Variants in OTOF observed in about 807,000 individuals in gnomAD.
OTOF encodes the protein otoferlin.
A neutral mutation model predicts 236.8 loss-of-function variants in OTOF; 218 were observed. The observed-to-expected ratio is 0.92, with a 90% CI of 0.82 to 1.03. OTOF has a LOEUF of 1.03. OTOF is among the 50% of genes least tolerant of loss of function. The probability of loss-of-function intolerance (pLI) is 0.00; values close to 1 mark genes in which losing one functional copy is unlikely to be tolerated. For synonymous variants in OTOF, 1,041 were observed against 1,072.5 expected (o/e 0.97, Z 0.57); for missense variants, 2,590 against 2,694.4 (o/e 0.96, Z 0.86).
intron 39 of OTOF, 68 bp downstream of exon 39, chr2:26,464,801 G>A (rs552558245): frequency 4.7e-6 from 7 of 1,477,352 alleles, no homozygotes; most frequent in South Asian, 1.3e-5. Flanking sequence ...CCAGGGAAGT[G>A]TGGGCCCCTC....
At position 26,482,607 on chromosome 2, in the gene OTOF, A is replaced by G. The variant is rs577397456; in HGVS notation, c.1393-15T>C. The G allele has an allele frequency of 1.2e-6, 2 of 1,609,240 alleles. No individual in the cohort carries two copies. The highest frequency in any genetic ancestry group is 1.1e-5 in the South Asian group (1 of 90,954). On this transcript the variant is annotated splice_polypyrimidine_tract_variant and intron_variant, in intron 13 of 46. Coordinates refer to ENST00000272371, the MANE Select transcript of OTOF (RefSeq NM_194248.3). ...GAAGTCTTGCCCTGGTGGAAGGGGG[A>G]GCACAGGTGAGGGCGTGGCATGTGT...
chr2:26,524,365 C>T (rs1666750534), intron 3 of OTOF, among the ~76,000 whole-genome samples: 1 of 152,120 alleles, frequency 6.6e-6, no homozygotes, highest in Non-Finnish European at 1.5e-5. Context: ...AAAAATTATC[C>T]AGGCCTGGTG....
At position 26,477,679 on chromosome 2, in the gene OTOF, C is replaced by T; in HGVS notation, c.2285G>A (p.Gly762Asp). 1 of 1,612,560 alleles carries T rather than the reference C, an allele frequency of 6.2e-7. No individual in the cohort carries two copies. Among genetic ancestry groups the T allele is most frequent in the Non-Finnish European group, 8.5e-7 (1 of 1,179,970 alleles). Residue 762 changes from glycine to aspartate, a missense_variant, in exon 19 of 47, where the codon GGC (glycine) becomes GAC (aspartate). Gly to Asp is a moderately conservative substitution (Grantham distance 94). This residue lies in a region of OTOF where 1,379 missense variants were observed against 1,341.6 expected (regional missense o/e 1.03). Coordinates refer to ENST00000272371, the MANE Select transcript of OTOF (RefSeq NM_194248.3). This position sits in a 1 kb window ranked among gnomAD's most constrained non-coding sequence, Gnocchi z 4.7. The stretch of plus-strand genomic sequence containing the variant: ...GCCACAGCTCAGCTCCTCCAGGACG[C>T]CCCGCAGGCGACGCTCAGGGTAGGA... ...EKSYPERRLR[G>D]VLEELSCGCC...
chr2:26,480,433 T>C, intron 15 of OTOF, 122 bp from the exon 16 acceptor site: 2 of 734,246 alleles, frequency 2.7e-6, no homozygotes, highest in Non-Finnish European at 4.8e-6. Context: ...CCACCCGGCT[T>C]TGGGGCCAGG....
chr2:26,473,077 C>T lies in OTOF; in HGVS notation c.3733+55G>A, dbSNP rs911241251. On this transcript the variant is annotated intron_variant, in intron 29 of 46. Transcript: ENST00000272371. This position sits in a 1 kb window ranked among gnomAD's most constrained non-coding sequence, Gnocchi z 7.2. ...GCTTGGACTGGGCGGAGACCTGGAGCCCTTCCCTGGGGGGCGTGGAGCCAG... is the reference window on the plus strand; with the variant it reads ...GCTTGGACTGGGCGGAGACCTGGAGTCCTTCCCTGGGGGGCGTGGAGCCAG... 6.4e-7 allele frequency: 1 copy of T among 1,560,906 alleles called. No individual in the cohort carries two copies. Among genetic ancestry groups the T allele is most frequent in the Middle Eastern group, 2.2e-4 (1 of 4,502 alleles).
intron 5 of OTOF, among the ~76,000 whole-genome samples, chr2:26,509,203 A>G (rs1423319294): frequency 6.6e-6 from 1 of 152,180 alleles, no homozygotes; most frequent in Non-Finnish European, 1.5e-5. Flanking sequence ...GGCTGCTTGT[A>G]TCTCATTCAT....
intron 2 of OTOF, among the ~76,000 whole-genome samples, chr2:26,529,242 C>A (rs191481823): frequency 2.0e-5 from 3 of 152,164 alleles, no homozygotes; most frequent in Non-Finnish European, 4.4e-5. Context: ...TGTGGAGAGA[C>A]CGTGTCAGGG....
chr2:26,489,677 C>T lies in OTOF; in HGVS notation c.960+1G>A. 2 of 1,612,396 alleles carry T rather than the reference C, an allele frequency of 1.2e-6. No homozygotes were observed. Among genetic ancestry groups the T allele is most frequent in the Non-Finnish European group, 1.7e-6 (2 of 1,179,364 alleles). On this transcript the variant is annotated splice_donor_variant, in intron 10 of 46. Coordinates refer to ENST00000272371, the MANE Select transcript of OTOF (RefSeq NM_194248.3). LOFTEE classifies it high-confidence loss of function. ...CCGGCCAGGGGCTGCTCCCCACTCA[C>T]CGAAATCTTGATGATCTTGTCAAAC...
chr2:26,550,662 C>G (rs1667437160), intron 1 of OTOF, among the ~76,000 whole-genome samples: 1 of 152,186 alleles, frequency 6.6e-6, no homozygotes, highest in Non-Finnish European at 1.5e-5. Flanking sequence ...CCACAATTGA[C>G]TCTTGCCCTG....
At position 26,500,283 on chromosome 2, in the gene OTOF, C is replaced by T. The variant is rs183519187; in HGVS notation, c.765+1471G>A. Among the ~76,000 whole-genome samples, 406 of 152,346 alleles carry T rather than the reference C, an allele frequency of 2.7e-3. 1 individual carries two copies. Among genetic ancestry groups the T allele is most frequent in the African/African-American group, 9.4e-3 (392 of 41,576 alleles). On this transcript the variant is annotated intron_variant, in intron 8 of 46. Coordinates refer to ENST00000272371, the MANE Select transcript of OTOF (RefSeq NM_194248.3). ...CTATATTTGGGTGGTTGAAGAATTA[C>T]ATTAACTTCAATGGAAATACATATA... is the stretch of plus-strand genomic sequence containing the variant.
chr2:26,502,623 T>G (rs1398720628), intron 6 of OTOF, among the ~76,000 whole-genome samples, 197 bp from the exon 7 acceptor site: 1 of 152,170 alleles, frequency 6.6e-6, no homozygotes, highest in Non-Finnish European at 1.5e-5. Context: ...GGCCATTATG[T>G]CTGGTCTTGC....
At chr2:26,472,062 A>G (rs892324698) in intron 30 of OTOF, among the ~76,000 whole-genome samples, 2 of 151,872 alleles carry the variant, frequency 1.3e-5, no homozygotes, top group South Asian at 2.1e-4. Flanking sequence ...CTCATACCAC[A>G]TGCATGCATG....
Position 26,476,213 on chromosome 2 carries a change from G to C in OTOF, c.2781C>G (p.Cys927Trp), listed in dbSNP as rs199804573. The stretch of plus-strand genomic sequence containing the variant: ...CCTCCTGGAAGCCACAGGGCAGGCC[G>C]CACAGGAACTCCTTGCGCTGTTTGC... Reference protein sequence around the residue: ...GLSKQRKEFLCGLPCGFQEVK... With the variant: ...GLSKQRKEFLWGLPCGFQEVK... The change falls in exon 23 of 47, where the codon TGC (cysteine) becomes TGG (tryptophan). Residue 927 changes from cysteine to tryptophan, a missense_variant. Physicochemically the swap from Cys to Trp is radical, Grantham distance 215. Around this residue, in one of 2 missense-constraint regions of OTOF, gnomAD observed 1,379 missense variants for 1,341.6 expected, o/e 1.03. Transcript: ENST00000272371. The C allele has an allele frequency of 6.2e-7, 1 of 1,609,758 alleles. No individual in the cohort carries two copies. The highest frequency in any genetic ancestry group is 1.1e-5 in the South Asian group (1 of 91,086).
chr2:26,516,996 G>C (rs1302718547), intron 4 of OTOF, among the ~76,000 whole-genome samples: 1 of 152,194 alleles, frequency 6.6e-6, no homozygotes, highest in Non-Finnish European at 1.5e-5. Flanking sequence ...AGGGCTGCCT[G>C]CAGGCATGAG....
At position 26,465,828 on chromosome 2, in the gene OTOF, TC is replaced by T. The variant is rs754246984; in HGVS notation, c.4642del (p.Glu1548ArgfsTer10). 1.2e-6 allele frequency: 2 copies of T among 1,614,192 alleles called. No homozygotes were observed. The highest frequency in any genetic ancestry group is 1.7e-6 in the Non-Finnish European group (2 of 1,180,032). ...CATGGATTCCATGGGGAAGGAGGCC[TC>T]GATGTCAAAGGACCTGGTGGGGTGG... is the stretch of plus-strand genomic sequence containing the variant. ...NPVFGKSFDIEASFPMESMLT... is the reference protein window; with the variant it reads ...NPVFGKSFDIXASFPMESMLT... On this transcript the variant is annotated frameshift_variant, in exon 38 of 47. Transcript: ENST00000272371. LOFTEE classifies it high-confidence loss of function.
intron 3 of OTOF, among the ~76,000 whole-genome samples, chr2:26,521,361 C>T (rs1416743405): frequency 6.6e-6 from 1 of 152,214 alleles, no homozygotes; most frequent in Non-Finnish European, 1.5e-5. Context: ...CGCAGAGGTG[C>T]TGCAATGTGA....
Position 26,536,337 on chromosome 2 carries a change from G to A in OTOF, c.138+1379C>T, listed in dbSNP as rs539968253. Among the ~76,000 whole-genome samples, 29 of 152,308 alleles carry A rather than the reference G, an allele frequency of 1.9e-4. No homozygotes were observed. The South Asian group carries it at 6.0e-3, about 32-fold the overall frequency. ...CTGAGGTCATTGTACAGCCAGGAGG[G>A]GGAGAAGGTAAGGACAGAAACTTCC... On this transcript the variant is annotated intron_variant, in intron 2 of 46. Coordinates refer to ENST00000272371, the MANE Select transcript of OTOF (RefSeq NM_194248.3).
intron 4 of OTOF, among the ~76,000 whole-genome samples, chr2:26,518,575 G>A (rs765140510): frequency 6.6e-5 from 10 of 152,256 alleles, no homozygotes; most frequent in Non-Finnish European, 1.2e-4. Flanking sequence ...GCGTGCTCAC[G>A]CAAAAGTGCT....
At position 26,501,809 on chromosome 2, in the gene OTOF, C is replaced by G. The variant is rs1666121550; in HGVS notation, c.711-1G>C. On this transcript the variant is annotated splice_acceptor_variant, in intron 7 of 46. Coordinates refer to ENST00000272371, the MANE Select transcript of OTOF (RefSeq NM_194248.3). LOFTEE classifies it high-confidence loss of function. ...CTCCATCTTAATGTCTGGCTTAGAT[C>G]TGAGGAAGAGAATGTACCATCAGGC... 2 of 1,612,840 alleles carry G rather than the reference C, an allele frequency of 1.2e-6. No homozygotes were observed. Among genetic ancestry groups the G allele is most frequent in the African/African-American group, 1.3e-5 (1 of 74,872 alleles).
Sources: allele counts gnomAD v4.1 joint callset (sites outside exome capture counted in the v4.1 genomes callset), GRCh38; gene constraint gnomAD v4.1.1; regional missense constraint gnomAD v4.1.1; non-coding constraint Gnocchi (gnomAD v3.1); transcripts MANE v1.5; gene names NCBI Gene and HGNC (gene_info 2026-07-23, HGNC 2026-07-21).